RASA2: variants seen among roughly 807,000 people sequenced by gnomAD.
The protein encoded by RASA2 is RAS p21 protein activator 2.
A neutral mutation model predicts 118.2 loss-of-function variants in RASA2; 155 were observed. The observed-to-expected ratio is 1.31, with a 90% CI of 1.15 to 1.50. The LOEUF (loss-of-function observed/expected upper bound fraction) is 1.50, where lower values mean the gene tolerates loss of function less well. RASA2 is among the 40% of genes most tolerant of loss of function. The probability of loss-of-function intolerance (pLI) is 0.00; values close to 1 mark genes in which losing one functional copy is unlikely to be tolerated. For missense variants in RASA2, 1,016 were observed against 1,009.6 expected (o/e 1.01, Z -0.09); for synonymous variants, 353 against 349.1 (o/e 1.01, Z -0.12).
At chr3:141,571,765 T>C (rs998728683) in intron 11 of RASA2, among the ~76,000 whole-genome samples, 1 of 152,134 alleles carries the variant, frequency 6.6e-6, no homozygotes, top group Non-Finnish European at 1.5e-5. Context: ...AGGATGTTTT[T>C]CTTTAACTCA....
intron 19 of RASA2, among the ~76,000 whole-genome samples, chr3:141,591,322 C>CT (rs1244569563): frequency 6.6e-6 from 1 of 152,100 alleles, no homozygotes; most frequent in African/African-American, 2.4e-5. Context: ...ATCTGTTGTC[C>CT]TTTAAGTCTT....
intron 11 of RASA2, 145 bp downstream of exon 11, chr3:141,571,699 A>G: frequency 1.4e-6 from 1 of 733,190 alleles, no homozygotes; most frequent in Non-Finnish European, 2.1e-6. Context: ...ACAAATAACA[A>G]AAGGCAGTTA....
intron 1 of RASA2, among the ~76,000 whole-genome samples, chr3:141,492,224 A>AT (rs1191182380): frequency 6.6e-6 from 1 of 152,186 alleles, no homozygotes; most frequent in Non-Finnish European, 1.5e-5. Flanking sequence ...TAAAACCATC[A>AT]TTTTATCCTT....
In RASA2 at chr3:141,516,485, C is replaced by T. The variant is rs75678353; in HGVS notation, c.355+54C>T. On this transcript the variant is annotated intron_variant, in intron 3 of 23. Transcript: ENST00000286364. ...CACAATGTTAATGTTTATATTCATTCGTTCTCTTAGTATAGTTTTGAAAAT... is the reference window on the plus strand; with the variant it reads ...CACAATGTTAATGTTTATATTCATTTGTTCTCTTAGTATAGTTTTGAAAAT... 1.5e-3 allele frequency: 1,940 copies of T among 1,253,558 alleles called. 51 individuals carry two copies. The East Asian group carries it at 0.048, about 31-fold the overall frequency. 77.7% of individuals were successfully genotyped at this position (1,253,558 alleles called of 1,614,324 possible).
At chr3:141,495,966 G>T (rs1194483698) in intron 1 of RASA2, among the ~76,000 whole-genome samples, 1 of 152,230 alleles carries the variant, frequency 6.6e-6, no homozygotes, top group Admixed American at 6.5e-5. Flanking sequence ...AGTATCCTGT[G>T]TATTGTTTTA....
chr3:141,565,813 C>G (rs1185817396), intron 9 of RASA2, among the ~76,000 whole-genome samples: 1 of 152,188 alleles, frequency 6.6e-6, no homozygotes, highest in Non-Finnish European at 1.5e-5. Flanking sequence ...CCTTTGCTAA[C>G]AGGCTTGTTT....
At chr3:141,548,856 G>A (rs1018809606) in intron 5 of RASA2, among the ~76,000 whole-genome samples, 3 of 151,852 alleles carry the variant, frequency 2.0e-5, no homozygotes, top group East Asian at 1.9e-4. Context: ...TCATTTTCTC[G>A]CAGGTTCCGT....
chr3:141,505,233 T>C (rs1041012256), intron 1 of RASA2, among the ~76,000 whole-genome samples: 1 of 152,252 alleles, frequency 6.6e-6, no homozygotes, highest in African/African-American at 2.4e-5. Flanking sequence ...CAGTTTCGTA[T>C]GGGCAGAGAC....
intron 19 of RASA2, among the ~76,000 whole-genome samples, chr3:141,591,263 A>G (rs144879343): frequency 2.4e-4 from 37 of 152,326 alleles, no homozygotes; most frequent in Non-Finnish European, 4.9e-4. Context: ...GCATATGTAC[A>G]TAAAAATATC....
chr3:141,563,864 G>A (rs528101094), intron 9 of RASA2, among the ~76,000 whole-genome samples: 1 of 151,840 alleles, frequency 6.6e-6, no homozygotes, highest in African/African-American at 2.4e-5. Context: ...AGATTTGAGT[G>A]TCCCTTGCTT....
chr3:141,609,284 C>A, intron 21 of RASA2, 136 bp from the exon 22 acceptor site: 2 of 509,966 alleles, frequency 3.9e-6, no homozygotes, highest in Non-Finnish European at 6.7e-6. Flanking sequence ...TTTTAACTGT[C>A]AAATGAAACT....
intron 13 of RASA2, 34 bp from the exon 14 acceptor site, chr3:141,573,910 A>C (rs2151132097): frequency 6.4e-7 from 1 of 1,552,664 alleles, no homozygotes; most frequent in South Asian, 1.2e-5. Context: ...TGTGAACATC[A>C]AAATCTTAAT....
intron 10 of RASA2, 113 bp downstream of exon 10, chr3:141,571,181 T>C (rs2082913745): frequency 1.7e-6 from 2 of 1,159,488 alleles, no homozygotes; most frequent in Middle Eastern, 2.9e-4. Flanking sequence ...GTAAAAATTA[T>C]ATACATACAT....
chr3:141,571,950 CTG>C (rs1560041486), intron 11 of RASA2, among the ~76,000 whole-genome samples: 1 of 150,362 alleles, frequency 6.7e-6, no homozygotes, highest in Non-Finnish European at 1.5e-5. Flanking sequence ...TAGTCTAACA[CTG>C]TTGTTTTTTT....
intron 4 of RASA2, among the ~76,000 whole-genome samples, chr3:141,534,805 A>T (rs892548464): frequency 6.6e-6 from 1 of 152,148 alleles, no homozygotes; most frequent in South Asian, 2.1e-4. Flanking sequence ...ATTCTAGATC[A>T]TATTAAATAC....
rs150244083 is a variant in RASA2, at chr3:141,533,346, C to T, written c.450+3544C>T. Reference sequence around the variant, plus strand: ...TAGAGGAAATGAATGGCATTGCTACCTCAGAGGGAGAGATGCTTGTTTCCT... The same window carrying T: ...TAGAGGAAATGAATGGCATTGCTACTTCAGAGGGAGAGATGCTTGTTTCCT... On this transcript the variant is annotated intron_variant, in intron 4 of 23. Coordinates refer to ENST00000286364, the MANE Select transcript of RASA2 (RefSeq NM_006506.5). 5.5e-3 allele frequency among the ~76,000 whole-genome samples: 831 copies of T among 152,254 alleles called. 3 individuals carry two copies. Among genetic ancestry groups the T allele is most frequent in the Non-Finnish European group, 8.6e-3 (588 of 68,020 alleles).
intron 9 of RASA2, among the ~76,000 whole-genome samples, chr3:141,570,090 T>C (rs2082892785): frequency 6.6e-6 from 1 of 151,146 alleles, no homozygotes; most frequent in African/African-American, 2.4e-5. Context: ...TAAAAAGCTT[T>C]TTTTTTTTTT....
chr3:141,507,832 G>C (rs761621512), intron 1 of RASA2, among the ~76,000 whole-genome samples: 11 of 152,194 alleles, frequency 7.2e-5, no homozygotes, highest in Non-Finnish European at 1.6e-4. Flanking sequence ...AGTGCATCTG[G>C]TTGGTGGAAC....
chr3:141,583,451 A>T (rs1198171569), intron 17 of RASA2, among the ~76,000 whole-genome samples: 1 of 152,124 alleles, frequency 6.6e-6, no homozygotes, highest in East Asian at 1.9e-4. Context: ...ATTATTATAA[A>T]TAATAAATAT....
Sources: gnomAD v4.1 joint callset for allele counts (sites outside exome capture counted in the v4.1 genomes callset) on GRCh38, gnomAD v4.1.1 for gene constraint, MANE v1.5 for transcripts, NCBI Gene and HGNC (gene_info 2026-07-23, HGNC 2026-07-21) for gene names.